RIF1: variants seen among roughly 807,000 people sequenced by gnomAD.
RIF1 encodes replication timing regulatory factor 1.
Under a neutral mutation model 247.1 loss-of-function variants are expected in RIF1, and 45 were observed. The observed-to-expected ratio is 0.18, with a 90% CI of 0.14 to 0.23. The LOEUF is 0.23. Ranked by LOEUF, RIF1 falls within the 10% of genes least tolerant of loss-of-function variation. The pLI is 1.00. For missense variants in RIF1, 2,967 were observed against 2,862.5 expected (o/e 1.04, Z -0.83); for synonymous variants, 1,087 against 978.8 (o/e 1.11, Z -2.06).
At chr2:151,467,437 C>T (rs903127250) in intron 30 of RIF1, among the ~76,000 whole-genome samples, 9 of 151,826 alleles carry the variant, frequency 5.9e-5, no homozygotes, top group Admixed American at 3.3e-4. Context: ...CTCTGCCTCC[C>T]GGGTTCAAGC....
intron 9 of RIF1, among the ~76,000 whole-genome samples, chr2:151,431,563 A>C (rs1285913187): frequency 6.6e-6 from 1 of 152,172 alleles, no homozygotes; most frequent in Non-Finnish European, 1.5e-5. Flanking sequence ...AGAGGCGGGC[A>C]GATCACCTGA....
chr2:151,425,174 C>T (rs1688827998), intron 8 of RIF1, among the ~76,000 whole-genome samples: 1 of 152,106 alleles, frequency 6.6e-6, no homozygotes, highest in Non-Finnish European at 1.5e-5. Context: ...CATCTTTTCA[C>T]TTGGTTCTTG....
At chr2:151,501,301 G>GATT in intron 11 of RIF1, 1 of 852,558 alleles carries the variant, frequency 1.2e-6, no homozygotes, top group South Asian at 1.8e-5. Flanking sequence ...TTGTTAAATT[G>GATT]ATTATTATAA....
exon 11 of RIF1, chr2:151,499,498 A>C (rs1376674047): frequency 1.5e-6 from 1 of 659,222 alleles, no homozygotes; most frequent in Admixed American, 2.4e-5. Context: ...GACAGAAAAG[A>C]CAGATTCAAC....
intron 9 of RIF1, among the ~76,000 whole-genome samples, chr2:151,431,932 G>T (rs532133198): frequency 1.3e-5 from 2 of 152,332 alleles, no homozygotes; most frequent in South Asian, 4.1e-4. Context: ...TGGCAGAGTA[G>T]TTGTAACAGA....
Position 151,489,956 on chromosome 2 carries a change from T to C in RIF1, c.*416-5273T>C. ...ATTAAGAATAATTTATTTAAGTGAG[T>C]TGTTATTCACTTACTCCAGCAGTAG... is the stretch of plus-strand genomic sequence containing the variant. On this transcript the variant is annotated intron_variant and NMD_transcript_variant, in intron 9 of 13. Coordinates refer to the RIF1 transcript ENST00000454583. The C allele has an allele frequency of 6.5e-7, 1 of 1,532,952 alleles. No individual in the cohort carries two copies. The allele number at this position is 1,532,952 out of a possible 1,614,324, so 95.0% of individuals were successfully genotyped here.
chr2:151,433,029 A>G, intron 9 of RIF1, 48 bp from the exon 10 acceptor site: 4 of 1,470,280 alleles, frequency 2.7e-6, no homozygotes, highest in Non-Finnish European at 3.7e-6. Context: ...GTTAGAGTTA[A>G]TCTTTAGCTT....
chr2:151,450,237 A>T (rs1193699904), intron 20 of RIF1, among the ~76,000 whole-genome samples: 1 of 151,662 alleles, frequency 6.6e-6, no homozygotes, highest in Non-Finnish European at 1.5e-5. Context: ...TTGCTATTTT[A>T]TCATTAATTT....
At chr2:151,497,441 T>C (rs1351653846) in intron 10 of RIF1, 4 of 980,788 alleles carry the variant, frequency 4.1e-6, no homozygotes, top group Non-Finnish European at 4.8e-6. Flanking sequence ...TGAAATTAAC[T>C]GTATTATAGA....
chr2:151,490,607 A>G, intron 9 of RIF1: 1 of 1,465,732 alleles, frequency 6.8e-7, no homozygotes, highest in Non-Finnish European at 9.3e-7. Context: ...AGTTATTGTT[A>G]TCTTTGCCAA....
At position 151,494,741 on chromosome 2, in the gene RIF1, C is replaced by T. The variant is rs557219422; in HGVS notation, c.*416-488C>T. Among the ~76,000 whole-genome samples, 21 of 152,276 alleles carry T rather than the reference C, an allele frequency of 1.4e-4. No homozygotes were observed. The South Asian group carries it at 2.3e-3, about 17-fold the overall frequency. ...CCTGCTCACTGCAACCTCCGCCTCC[C>T]GGGTTCAAGTGATTCTTCTGCCTCA... On this transcript the variant is annotated intron_variant and NMD_transcript_variant, in intron 9 of 13. Transcript: ENST00000454583.
In RIF1 at chr2:151,481,622, T is replaced by TC. The variant is rs1469873180; in HGVS notation, c.*6551_*6552insC. ...CAAAGTATTTGTATTTGATAAGTCT[T>TC]AAAAATGATTTAAGTTGAAGCCTAA... is the stretch of plus-strand genomic sequence containing the variant. On this transcript the variant is annotated 3_prime_UTR_variant, in exon 36 of 36. Transcript: ENST00000444746. 1 of 152,254 alleles carries TC rather than the reference T, an allele frequency of 6.6e-6. No homozygotes were observed. Among genetic ancestry groups the TC allele is most frequent in the Non-Finnish European group, 1.5e-5 (1 of 68,040 alleles). 9.4% of individuals were successfully genotyped at this position (152,254 alleles called of 1,614,324 possible).
At chr2:151,528,775 C>G in the RIF1 span, among the ~76,000 whole-genome samples, 268 of 152,296 alleles carry the variant, frequency 1.8e-3, 2 homozygotes, top group South Asian at 0.03. Flanking sequence ...AATATCTGAG[C>G]AGGAAGAAGG....
At chr2:151,489,785 T>C (rs1401462950) in intron 9 of RIF1, among the ~76,000 whole-genome samples, 1 of 152,126 alleles carries the variant, frequency 6.6e-6, no homozygotes, top group Non-Finnish European at 1.5e-5. Context: ...TGAATAATGC[T>C]TTTCATTAAT....
At chr2:151,461,099 AG>A in intron 26 of RIF1, 38 bp from the exon 27 acceptor site, 1 of 1,568,304 alleles carries the variant, frequency 6.4e-7, no homozygotes, top group Non-Finnish European at 8.7e-7. Flanking sequence ...ATAATTTGGA[AG>A]CTAAAATGTA....
At chr2:151,437,741 A>AAAC (rs1328662870) in intron 13 of RIF1, among the ~76,000 whole-genome samples, 1 of 152,140 alleles carries the variant, frequency 6.6e-6, no homozygotes. Flanking sequence ...AGTGCCACCT[A>AAAC]CTGGCCAGAT....
At chr2:151,526,938 T>C in the RIF1 span, 1 of 1,598,056 alleles carries the variant, frequency 6.3e-7, no homozygotes, top group Non-Finnish European at 8.5e-7. Flanking sequence ...ATTAAAGTAT[T>C]CCTGAGGGCG....
chr2:151,504,718 T>A (rs1182354292), intron 12 of RIF1, among the ~76,000 whole-genome samples: 1 of 152,158 alleles, frequency 6.6e-6, no homozygotes, highest in African/African-American at 2.4e-5. Context: ...AACACCTGCC[T>A]AGAATCTGCG....
chr2:151,531,212 G>A, the RIF1 span: 10 of 692,436 alleles, frequency 1.4e-5, no homozygotes, highest in Non-Finnish European at 2.2e-5. Context: ...AGAATTCTAT[G>A]AATTTGACAG....
Sources: gnomAD v4.1 joint callset for allele counts (sites outside exome capture counted in the v4.1 genomes callset) on GRCh38, gnomAD v4.1.1 for gene constraint, MANE v1.5 for transcripts, NCBI Gene and HGNC (gene_info 2026-07-23, HGNC 2026-07-21) for gene names.